ABLIM1: variants seen among roughly 807,000 people sequenced by gnomAD.
The protein encoded by ABLIM1 is actin-binding LIM protein 1.
In ABLIM1, 40 loss-of-function variants were observed where a neutral mutation model predicts 107.0. The observed-to-expected ratio is 0.37, with a 90% CI of 0.29 to 0.49. The LOEUF (loss-of-function observed/expected upper bound fraction) is 0.49, where lower values mean the gene tolerates loss of function less well. Among genes scored for constraint, ABLIM1 ranks in the 20% least tolerant of loss-of-function variants. The probability of loss-of-function intolerance (pLI) is 0.97; values close to 1 mark genes in which losing one functional copy is unlikely to be tolerated. For synonymous variants in ABLIM1, 357 were observed against 357.3 expected, an observed-to-expected ratio of 1.00 and a Z score of 0.01; for missense variants, 857 against 1,008.5, an observed-to-expected ratio of 0.85 and a Z score of 2.04.
At chr10:114,728,374 C>T (rs781747291) in intron 1 of ABLIM1, among the ~76,000 whole-genome samples, 12 of 151,942 alleles carry the variant, frequency 7.9e-5, no homozygotes, top group African/African-American at 1.5e-4. Context: ...TGTTTATGCA[C>T]GCTGCATCAG....
At chr10:114,521,252 C>A (rs770373599) in intron 6 of ABLIM1, among the ~76,000 whole-genome samples, 3 of 152,160 alleles carry the variant, frequency 2.0e-5, no homozygotes, top group African/African-American at 7.2e-5. Flanking sequence ...AATCTGTATT[C>A]AATTCCTGGC....
chr10:114,526,656 T>G lies in ABLIM1; in HGVS notation c.894+18349A>C, dbSNP rs182415391. 392 of 985,538 alleles carry G rather than the reference T, an allele frequency of 4.0e-4. 1 individual carries two copies. In the African/African-American group the frequency reaches 6.6e-3, roughly 17 times the overall value. The allele number at this position is 985,538 out of a possible 1,614,324, so 61.0% of individuals were successfully genotyped here. ...TAGGTCACCTTGTGCAATGTCCGCT[T>G]TACCTCAGGCCAGGGTTCCTTTTCT... On this transcript the variant is annotated intron_variant, in intron 6 of 22. Coordinates refer to ENST00000533213, the MANE Select transcript of ABLIM1 (RefSeq NM_002313.7).
intron 4 of ABLIM1, among the ~76,000 whole-genome samples, chr10:114,562,483 C>G (rs1006876434): frequency 1.3e-5 from 2 of 152,156 alleles, no homozygotes; most frequent in Non-Finnish European, 2.9e-5. Context: ...GAGCCAAGAT[C>G]GCGCCACTGC....
intron 1 of ABLIM1, among the ~76,000 whole-genome samples, chr10:114,749,452 A>C (rs1042903927): frequency 5.8e-5 from 7 of 120,900 alleles, no homozygotes; most frequent in African/African-American, 2.5e-4. Flanking sequence ...CACACACACC[A>C]CACACACACA....
At chr10:114,700,396 A>C (rs73371874) in intron 1 of ABLIM1, among the ~76,000 whole-genome samples, 3,748 of 152,218 alleles carry the variant, frequency 0.025, 142 homozygotes, top group African/African-American at 0.085. Context: ...TAACCCTAAT[A>C]ATATTCTCAG....
intron 6 of ABLIM1, among the ~76,000 whole-genome samples, chr10:114,516,603 A>G (rs2062857920): frequency 6.6e-6 from 1 of 152,224 alleles, no homozygotes; most frequent in Non-Finnish European, 1.5e-5. Flanking sequence ...TCCTTAAAGA[A>G]ACTATTGAAA....
intron 1 of ABLIM1, among the ~76,000 whole-genome samples, chr10:114,682,138 T>A (rs917089294): frequency 1.3e-5 from 2 of 152,248 alleles, no homozygotes; most frequent in African/African-American, 2.4e-5. Flanking sequence ...GAGACATACA[T>A]GTCAGCAGTC....
intron 15 of ABLIM1, among the ~76,000 whole-genome samples, chr10:114,445,742 G>C (rs551547218): frequency 6.6e-6 from 1 of 152,270 alleles, no homozygotes; most frequent in South Asian, 2.1e-4. Flanking sequence ...ATCTCCAGTT[G>C]TTATTTTGAT....
At chr10:114,623,393 T>A (rs545722841) in intron 1 of ABLIM1, among the ~76,000 whole-genome samples, 1 of 152,326 alleles carries the variant, frequency 6.6e-6, no homozygotes, top group Admixed American at 6.5e-5. Flanking sequence ...ATCTCACAGG[T>A]CTGCTTCATT....
In ABLIM1 at chr10:114,601,812, C is replaced by A. The variant is rs1261541471; in HGVS notation, c.379+15G>T. The A allele has an allele frequency of 2.5e-6, 4 of 1,614,160 alleles. No individual in the cohort carries two copies. Among genetic ancestry groups the A allele is most frequent in the Middle Eastern group, 1.7e-4 (1 of 6,060 alleles). On this transcript the variant is annotated intron_variant, in intron 2 of 22. Coordinates refer to ENST00000533213, the MANE Select transcript of ABLIM1 (RefSeq NM_002313.7). ...CATGGCATGCCACTGAGCCACGAAG[C>A]TGGAGGCACCATACCTTTGCAGGTG... is the stretch of plus-strand genomic sequence containing the variant.
At chr10:114,443,964 G>T in intron 17 of ABLIM1, 65 bp downstream of exon 17, 2 of 1,334,206 alleles carry the variant, frequency 1.5e-6, no homozygotes, top group Non-Finnish European at 2.1e-6. Flanking sequence ...GAACAGTCAA[G>T]GCAGGTGCCT....
intron 10 of ABLIM1, among the ~76,000 whole-genome samples, chr10:114,471,721 G>T (rs1452048729): frequency 6.6e-6 from 1 of 151,916 alleles, no homozygotes; most frequent in African/African-American, 2.4e-5. Context: ...TATACATCTG[G>T]AATTGAGAAC....
At chr10:114,471,163 G>A (rs1328043420) in intron 10 of ABLIM1, among the ~76,000 whole-genome samples, 1 of 152,118 alleles carries the variant, frequency 6.6e-6, no homozygotes, top group African/African-American at 2.4e-5. Flanking sequence ...CTAAAGTGCT[G>A]GTATTACGGA....
At chr10:114,640,442 G>A (rs547131094) in intron 1 of ABLIM1, among the ~76,000 whole-genome samples, 3 of 152,130 alleles carry the variant, frequency 2.0e-5, no homozygotes, top group Admixed American at 1.3e-4. Flanking sequence ...CAGGAGAATC[G>A]CTTGAACCCA....
chr10:114,454,445 C>T (rs949327881), intron 12 of ABLIM1, among the ~76,000 whole-genome samples: 17 of 152,108 alleles, frequency 1.1e-4, no homozygotes, highest in Admixed American at 2.0e-4. Flanking sequence ...GTGGGAAGCC[C>T]ATATTCCAGA....
intron 8 of ABLIM1, among the ~76,000 whole-genome samples, chr10:114,485,592 A>G (rs537804033): frequency 2.0e-5 from 3 of 152,272 alleles, no homozygotes; most frequent in Admixed American, 2.0e-4. Context: ...CAGTAAATTT[A>G]TCTAAGCTCC....
intron 1 of ABLIM1, among the ~76,000 whole-genome samples, chr10:114,751,282 A>G (rs1287581774): frequency 1.3e-5 from 2 of 152,154 alleles, no homozygotes; most frequent in East Asian, 1.9e-4. Flanking sequence ...TGAGAAAAAG[A>G]AAGAAAAATA....
rs7080873 is a variant in ABLIM1, at chr10:114,755,614, C to T, written c.-213+12447G>A. Among the ~76,000 whole-genome samples, 691 of 152,306 alleles carry T rather than the reference C, an allele frequency of 4.5e-3. 4 individuals carry two copies. The highest frequency in any genetic ancestry group is 0.016 in the African/African-American group (649 of 41,572). ...ACACCACCCTCAGTACTTGTCTAGC[C>T]GGCTTTGTACAGAGAGTAAAACTTC... On this transcript the variant is annotated intron_variant, in intron 1 of 15. Coordinates refer to the ABLIM1 transcript ENST00000651092.
At chr10:114,592,778 A>T (rs1311515913) in intron 2 of ABLIM1, among the ~76,000 whole-genome samples, 2 of 152,126 alleles carry the variant, frequency 1.3e-5, no homozygotes, top group East Asian at 1.9e-4. Context: ...GAAAAAGAGA[A>T]GTTAAGAATG....
Sources: gnomAD v4.1 joint callset for allele counts (sites outside exome capture counted in the v4.1 genomes callset) on GRCh38, gnomAD v4.1.1 for gene constraint, MANE v1.5 for transcripts, NCBI Gene and HGNC (gene_info 2026-07-23, HGNC 2026-07-21) for gene names.